Variants in NWD2 observed in about 807,000 individuals in gnomAD.
NWD2 encodes NACHT and WD repeat domain containing 2.
NWD2 carries 37 observed loss-of-function variants against 132.7 expected under a neutral mutation model. The ratio of observed to expected loss-of-function variants is 0.28; its 90% CI spans 0.21 to 0.37. The LOEUF is 0.37. Among genes scored for constraint, NWD2 ranks in the 10% least tolerant of loss-of-function variants. NWD2 has a pLI of 1.00. For missense variants in NWD2, 1,592 were observed against 2,122.4 expected, an observed-to-expected ratio of 0.75 and a Z score of 4.91; for synonymous variants, 705 against 803.0, an observed-to-expected ratio of 0.88 and a Z score of 2.06.
chr4:37,444,863 G>C lies in NWD2; in HGVS notation c.2875G>C (p.Glu959Gln). 1.9e-6 allele frequency: 3 copies of C among 1,552,262 alleles called. No individual in the cohort carries two copies. The highest frequency in any genetic ancestry group is 2.6e-6 in the Non-Finnish European group (3 of 1,147,132). Residue 959 changes from glutamate (E) to glutamine (Q), a missense_variant, in exon 7 of 7, where the codon GAG (glutamate) becomes CAG (glutamine). This residue lies in a region of NWD2 where 1,071 missense variants were observed against 1,398.0 expected (regional missense o/e 0.77). Coordinates refer to ENST00000309447, the MANE Select transcript of NWD2 (RefSeq NM_001144990.2). The surrounding 1 kb of genome is among the most constrained non-coding windows in gnomAD (Gnocchi z 4.8). Reference sequence around the variant, plus strand: ...ATCCATGGATGTGACATACAGCCCAGAGCGTCTTCCCTTATCATCCAGTCA... The same window carrying C: ...ATCCATGGATGTGACATACAGCCCACAGCGTCTTCCCTTATCATCCAGTCA... The part of the protein sequence containing the change: ...HSSMDVTYSP[E>Q]RLPLSSSHLH...
chr4:37,286,512 G>A (rs1414921305), intron 1 of NWD2, among the ~76,000 whole-genome samples: 1 of 152,224 alleles, frequency 6.6e-6, no homozygotes, highest in African/African-American at 2.4e-5. Context: ...AAATATGCAT[G>A]TGCAAAGATG....
At chr4:37,345,928 A>G (rs1719625988) in intron 2 of NWD2, among the ~76,000 whole-genome samples, 1 of 152,108 alleles carries the variant, frequency 6.6e-6, no homozygotes, top group Admixed American at 6.5e-5. Context: ...TAAAAATACA[A>G]AAATTAGCCA....
chr4:37,249,783 G>A lies in NWD2; in HGVS notation c.151+4565G>A, dbSNP rs184548115. 8.5e-5 allele frequency among the ~76,000 whole-genome samples: 13 copies of A among 152,290 alleles called. No individual in the cohort carries two copies. The East Asian group carries it at 2.5e-3, about 29-fold the overall frequency. ...GTCATGAACTCTTGTCCACAGTGTT[G>A]ATCAGGTGTTCATACCATTACTACT... is the stretch of plus-strand genomic sequence containing the variant. On this transcript the variant is annotated intron_variant, in intron 1 of 6. Transcript: ENST00000309447.
At chr4:37,294,358 A>T (rs191228817) in intron 1 of NWD2, among the ~76,000 whole-genome samples, 1 of 152,194 alleles carries the variant, frequency 6.6e-6, no homozygotes, top group Non-Finnish European at 1.5e-5. Flanking sequence ...TGGAATTCTC[A>T]GGAATGTCTG....
rs190619957 is a variant in NWD2, at chr4:37,270,424, G to A, written c.151+25206G>A. On this transcript the variant is annotated intron_variant, in intron 1 of 6. Transcript: ENST00000309447. Reference sequence around the variant, plus strand: ...TATACTGTATCCCCAAAGGATAACAGTTCAGTCTGGTTAGCTTCCCTGTCC... The same window carrying A: ...TATACTGTATCCCCAAAGGATAACAATTCAGTCTGGTTAGCTTCCCTGTCC... 1.1e-3 allele frequency among the ~76,000 whole-genome samples: 164 copies of A among 151,882 alleles called. 1 individual carries two copies. Among genetic ancestry groups the A allele is most frequent in the African/African-American group, 3.6e-3 (150 of 41,488 alleles).
intron 1 of NWD2, among the ~76,000 whole-genome samples, chr4:37,325,284 T>C (rs1469371755): frequency 6.6e-6 from 1 of 152,192 alleles, no homozygotes; most frequent in East Asian, 1.9e-4. Flanking sequence ...TCAGAAGGTT[T>C]ACATGGTATG....
chr4:37,356,598 C>T (rs1020029125), intron 3 of NWD2, 116 bp downstream of exon 3: 1 of 653,306 alleles, frequency 1.5e-6, no homozygotes, highest in African/African-American at 1.8e-5. Context: ...TTTTTTATGT[C>T]TATTTAAACA....
intron 1 of NWD2, among the ~76,000 whole-genome samples, chr4:37,293,356 A>G (rs10010602): frequency 0.29 from 44,554 of 152,132 alleles, 6,982 homozygotes; most frequent in South Asian, 0.44. Context: ...CATATCCTCC[A>G]TATCTCCTAG....
chr4:37,446,981 A>T lies in NWD2; in HGVS notation c.4993A>T (p.Ile1665Phe). ...IKIATSNSRQ[I>F]FNNATHTSRP... is the part of the protein sequence containing the mutation. ...AATTGCCACTTCAAATAGCAGACAA[A>T]TTTTCAACAATGCAACACACACCTC... Residue 1665 changes from isoleucine (I) to phenylalanine (F), a missense_variant, in exon 7 of 7, where the codon ATT (isoleucine) becomes TTT (phenylalanine). Around this residue, in one of 7 missense-constraint regions of NWD2, gnomAD observed 257 missense variants for 335.0 expected, o/e 0.77. Transcript: ENST00000309447. The surrounding 1 kb of genome is among the most constrained non-coding windows in gnomAD (Gnocchi z 6.7). The T allele has an allele frequency of 1.3e-6, 2 of 1,551,652 alleles. No homozygotes were observed. Among genetic ancestry groups the T allele is most frequent in the Non-Finnish European group, 1.7e-6 (2 of 1,146,988 alleles).
At chr4:37,346,537 A>G (rs1165907877) in intron 2 of NWD2, among the ~76,000 whole-genome samples, 1 of 152,116 alleles carries the variant, frequency 6.6e-6, no homozygotes, top group Non-Finnish European at 1.5e-5. Context: ...TAGCTTGTCA[A>G]TTTCTGCAAA....
At chr4:37,256,835 G>A (rs1577645928) in intron 1 of NWD2, among the ~76,000 whole-genome samples, 1 of 152,036 alleles carries the variant, frequency 6.6e-6, no homozygotes, top group Admixed American at 6.5e-5. Flanking sequence ...TCATAAATTG[G>A]GAGATTTCAC....
At chr4:37,344,133 C>T (rs1315991536) in intron 2 of NWD2, among the ~76,000 whole-genome samples, 1 of 152,058 alleles carries the variant, frequency 6.6e-6, no homozygotes, top group Non-Finnish European at 1.5e-5. Flanking sequence ...CTCTGCAGTG[C>T]CTGGACATTA....
intron 3 of NWD2, among the ~76,000 whole-genome samples, chr4:37,413,401 C>A (rs1422119276): frequency 1.3e-5 from 2 of 152,128 alleles, no homozygotes; most frequent in African/African-American, 4.8e-5. Context: ...TAGAGAAATG[C>A]AAATTAAAAC....
intron 1 of NWD2, among the ~76,000 whole-genome samples, chr4:37,278,529 T>G (rs567905286): frequency 6.6e-6 from 1 of 152,124 alleles, no homozygotes; most frequent in Non-Finnish European, 1.5e-5. Context: ...AATTGTAAGT[T>G]TTCTTCACAT....
At chr4:37,393,196 T>TGGG (rs3064360) in intron 3 of NWD2, among the ~76,000 whole-genome samples, 4,389 of 151,716 alleles carry the variant, frequency 0.029, 106 homozygotes, top group Middle Eastern at 0.068. Flanking sequence ...ATCCGGGGGT[T>TGGG]GGGGGGAGAC....
intron 3 of NWD2, among the ~76,000 whole-genome samples, chr4:37,394,814 T>G (rs199508203): frequency 3.0e-4 from 22 of 72,512 alleles, no homozygotes; most frequent in Non-Finnish European, 4.8e-4. Flanking sequence ...TTTTTTTTTT[T>G]TTTTTTTTTT....
At chr4:37,415,678 T>G (rs1711575045) in intron 3 of NWD2, among the ~76,000 whole-genome samples, 1 of 138,170 alleles carries the variant, frequency 7.2e-6, no homozygotes, top group Non-Finnish European at 1.5e-5. Flanking sequence ...CACTCCAGCC[T>G]GGGCAACAGT....
At chr4:37,262,548 T>G (rs1041400232) in intron 1 of NWD2, among the ~76,000 whole-genome samples, 7 of 152,122 alleles carry the variant, frequency 4.6e-5, no homozygotes, top group African/African-American at 1.7e-4. Context: ...AGTAGCTGTG[T>G]TAAATCTGAT....
At chr4:37,273,527 C>G (rs1018854869) in intron 1 of NWD2, among the ~76,000 whole-genome samples, 6 of 152,070 alleles carry the variant, frequency 3.9e-5, no homozygotes, top group Admixed American at 2.0e-4. Context: ...AGCAATGAGA[C>G]AGAAAGTTAA....
Sources: gnomAD v4.1 joint callset for allele counts (sites outside exome capture counted in the v4.1 genomes callset) on GRCh38, gnomAD v4.1.1 for gene constraint, gnomAD v4.1.1 regional missense constraint, Gnocchi (gnomAD v3.1) non-coding constraint, MANE v1.5 for transcripts, NCBI Gene and HGNC (gene_info 2026-07-23, HGNC 2026-07-21) for gene names.